LINC00632: variants seen among roughly 807,000 people sequenced by gnomAD.
The protein encoded by LINC00632 is long independently transcribed non-coding RNA 632.
chrX:140,759,085 C>A (rs756311146), intron 3 of LINC00632, among the ~76,000 whole-genome samples: 1 of 106,796 alleles, frequency 9.4e-6, no homozygotes, highest in Non-Finnish European at 1.9e-5. Flanking sequence ...CTGCCTCAGC[C>A]TCCCGAATAG....
intron 3 of LINC00632, among the ~76,000 whole-genome samples, chrX:140,762,231 G>GAGAGAA (rs1931609083): frequency 9.2e-6 from 1 of 108,408 alleles, no homozygotes; most frequent in Admixed American, 1.0e-4. Context: ...GAGAGAGAGA[G>GAGAGAA]AGAGAGAGAG....
At position 140,749,989 on chromosome X, in the gene LINC00632, C is replaced by T. The variant is rs183839059; in HGVS notation, n.191+16025C>T. On this transcript the variant is annotated intron_variant and non_coding_transcript_variant, in intron 3 of 4. Coordinates refer to ENST00000648200, the Ensembl canonical transcript of LINC00632. ...GTATTACAGGTGTGAGACACCACGC[C>T]TGGCCAAGTTTGGAAGTTTTAAAAA... 3.5e-3 allele frequency among the ~76,000 whole-genome samples: 388 copies of T among 111,097 alleles called. 3 individuals carry two copies. Among genetic ancestry groups the T allele is most frequent in the Admixed American group, 0.034 (352 of 10,387 alleles).
At chrX:140,718,175 A>G (rs769717714) in intron 2 of LINC00632, among the ~76,000 whole-genome samples, 2 of 110,980 alleles carry the variant, frequency 1.8e-5, no homozygotes, top group African/African-American at 3.3e-5. Flanking sequence ...TAATGCCTAT[A>G]AAGTGTTTAG....
At chrX:140,711,175 A>G (rs1930507717) in intron 1 of LINC00632, among the ~76,000 whole-genome samples, 1 of 111,545 alleles carries the variant, frequency 9.0e-6, no homozygotes. Flanking sequence ...CTAAAATATT[A>G]AAAATGATGT....
exon 5 of LINC00632, chrX:140,784,121 CA>C: frequency 8.3e-7 from 1 of 1,211,605 alleles, no homozygotes; most frequent in Admixed American, 2.2e-5. Flanking sequence ...CCATGTCTTC[CA>C]GAAAATCCTT....
intron 3 of LINC00632, among the ~76,000 whole-genome samples, chrX:140,757,370 A>C (rs1931511307): frequency 8.9e-6 from 1 of 111,759 alleles, no homozygotes; most frequent in South Asian, 3.7e-4. Context: ...GTATTGAATG[A>C]GTCTCTGAAA....
chrX:140,788,028 C>T (rs1932041765), exon 5 of LINC00632, among the ~76,000 whole-genome samples: 1 of 109,514 alleles, frequency 9.1e-6, no homozygotes, highest in African/African-American at 3.3e-5. Flanking sequence ...TATCAAGTCT[C>T]AAAAGACTAC....
intron 2 of LINC00632, among the ~76,000 whole-genome samples, chrX:140,721,530 C>A (rs1314812111): frequency 9.0e-6 from 1 of 111,156 alleles, no homozygotes; most frequent in African/African-American, 3.3e-5. Context: ...TTGTGAGAAT[C>A]TAATGCTGTA....
At chrX:140,721,706 A>G (rs1312082184) in intron 2 of LINC00632, among the ~76,000 whole-genome samples, 2 of 110,928 alleles carry the variant, frequency 1.8e-5, no homozygotes. Flanking sequence ...TAATACACAA[A>G]CCATCCTAAT....
chrX:140,765,873 A>T (rs1431284883), intron 3 of LINC00632, among the ~76,000 whole-genome samples: 1 of 112,080 alleles, frequency 8.9e-6, no homozygotes, highest in African/African-American at 3.2e-5. Flanking sequence ...TTTTTGTCTT[A>T]TGCGGGCCAG....
At chrX:140,724,123 T>G (rs1930845066) in intron 2 of LINC00632, among the ~76,000 whole-genome samples, 2 of 67,505 alleles carry the variant, frequency 3.0e-5, no homozygotes, top group African/African-American at 1.2e-4. Context: ...CACACACACA[T>G]TCCATACACA....
chrX:140,759,285 T>C (rs191431302), intron 3 of LINC00632, among the ~76,000 whole-genome samples: 3 of 93,950 alleles, frequency 3.2e-5, no homozygotes, highest in African/African-American at 8.3e-5. Flanking sequence ...CTTTTCTTTC[T>C]TTCTTTCCTT....
exon 5 of LINC00632, among the ~76,000 whole-genome samples, chrX:140,782,237 C>T (rs1931944364): frequency 8.9e-6 from 1 of 111,931 alleles, no homozygotes; most frequent in Admixed American, 9.5e-5. Flanking sequence ...TTGAATATTG[C>T]TACTATCTTT....
chrX:140,753,996 G>C (rs973325191), intron 3 of LINC00632, among the ~76,000 whole-genome samples: 3 of 110,945 alleles, frequency 2.7e-5, no homozygotes, highest in Non-Finnish European at 5.7e-5. Flanking sequence ...AGATGGTCTC[G>C]ATCTCTTGAT....
intron 3 of LINC00632, among the ~76,000 whole-genome samples, chrX:140,758,207 A>T (rs1215182848): frequency 9.0e-6 from 1 of 110,861 alleles, no homozygotes; most frequent in Non-Finnish European, 1.9e-5. Context: ...AGGTGCTGTA[A>T]TTATTTTATT....
At chrX:140,724,094 C>T (rs1022068484) in intron 2 of LINC00632, among the ~76,000 whole-genome samples, 44 of 67,127 alleles carry the variant, frequency 6.6e-4, no homozygotes, top group Middle Eastern at 8.0e-3. Context: ...ACATTCGATA[C>T]GCACATATAT....
intron 2 of LINC00632, among the ~76,000 whole-genome samples, chrX:140,723,756 A>G (rs1280506324): frequency 5.5e-4 from 1 of 1,826 alleles, no homozygotes; most frequent in African/African-American, 1.5e-3. Flanking sequence ...TTCCATACAC[A>G]CACATATTCC....
At chrX:140,711,516 C>T (rs1382320368) in intron 1 of LINC00632, 2 of 190,670 alleles carry the variant, frequency 1.0e-5, no homozygotes, top group East Asian at 1.9e-4. Flanking sequence ...ACTAAATGTC[C>T]AATTATTGAA....
At chrX:140,765,791 G>A (rs1202166702) in intron 3 of LINC00632, among the ~76,000 whole-genome samples, 1 of 111,722 alleles carries the variant, frequency 9.0e-6, no homozygotes, top group African/African-American at 3.3e-5. Context: ...TGCTATTACC[G>A]TTAAGGGAGG....
Sources: gnomAD v4.1 joint callset for allele counts (sites outside exome capture counted in the v4.1 genomes callset) on GRCh38, gnomAD v4.1.1 for gene constraint, MANE v1.5 for transcripts, NCBI Gene and HGNC (gene_info 2026-07-23, HGNC 2026-07-21) for gene names.